The following TM9SF3 variants were observed in gnomAD, a reference collection of about 807,000 sequenced individuals.
The protein encoded by TM9SF3 is SM-11044-binding protein.
A neutral mutation model predicts 78.6 loss-of-function variants in TM9SF3; 14 were observed. The observed-to-expected ratio is 0.18, with a 90% CI of 0.12 to 0.28. The LOEUF is 0.28. Among genes scored for constraint, TM9SF3 ranks in the 10% least tolerant of loss-of-function variants. The probability of loss-of-function intolerance (pLI) is 1.00; values close to 1 mark genes in which losing one functional copy is unlikely to be tolerated. For synonymous variants in TM9SF3, 231 were observed against 241.7 expected, an observed-to-expected ratio of 0.96 and a Z score of 0.41; for missense variants, 496 against 721.9, an observed-to-expected ratio of 0.69 and a Z score of 3.59.
intron 1 of TM9SF3, 104 bp downstream of exon 1, chr10:96,586,630 T>C (rs2134166220): frequency 7.2e-6 from 7 of 977,772 alleles, no homozygotes; most frequent in Non-Finnish European, 9.1e-6. Context: ...CGGGCCGCAG[T>C]GGGGCACCAC....
At chr10:96,571,546 T>C (rs566205058) in intron 2 of TM9SF3, among the ~76,000 whole-genome samples, 1 of 152,252 alleles carries the variant, frequency 6.6e-6, no homozygotes, top group South Asian at 2.1e-4. Flanking sequence ...AGGCCTATAT[T>C]CCCCAGGCAG....
In TM9SF3 at chr10:96,565,390, A is replaced by G; in HGVS notation, c.335T>C (p.Leu112Ser). ...AAATGCATCTCTCTTTTCTTTATCT[A>G]AATCAATTTCACAGTAAGTGGCTGG... is the stretch of plus-strand genomic sequence containing the variant. ...VMPATYCEID[L>S]DKEKRDAFVY... is the part of the protein sequence containing the mutation. The change falls in exon 3 of 15, where the codon TTA (leucine) becomes TCA (serine). Residue 112 changes from leucine (L) to serine (S), a missense_variant. Leu to Ser is a moderately radical substitution (Grantham distance 145). Coordinates refer to ENST00000371142, the MANE Select transcript of TM9SF3 (RefSeq NM_020123.4). 6.4e-7 allele frequency: 1 copy of G among 1,556,484 alleles called. No homozygotes were observed. The highest frequency in any genetic ancestry group is 1.2e-5 in the South Asian group (1 of 80,310).
At chr10:96,531,421 C>G (rs183086790) in intron 10 of TM9SF3, among the ~76,000 whole-genome samples, 72 of 152,116 alleles carry the variant, frequency 4.7e-4, no homozygotes, top group African/African-American at 1.5e-3. Flanking sequence ...GATTATAAAC[C>G]CTGGCAGGCA....
chr10:96,558,587 A>G (rs970943945), intron 5 of TM9SF3, among the ~76,000 whole-genome samples: 1 of 151,712 alleles, frequency 6.6e-6, no homozygotes, highest in Non-Finnish European at 1.5e-5. Flanking sequence ...CGGAGGTTGC[A>G]GTGAGCCAAG....
At chr10:96,554,231 T>A (rs1848207913) in intron 5 of TM9SF3, among the ~76,000 whole-genome samples, 1 of 152,230 alleles carries the variant, frequency 6.6e-6, no homozygotes, top group African/African-American at 2.4e-5. Flanking sequence ...TTGTTATTGC[T>A]ATTATTCTCT....
chr10:96,560,603 G>A, intron 4 of TM9SF3: 1 of 665,920 alleles, frequency 1.5e-6, no homozygotes, highest in South Asian at 1.4e-5. Flanking sequence ...TATCTGGAAA[G>A]TGATCTGTCC....
At chr10:96,569,945 T>C (rs758398728) in intron 2 of TM9SF3, among the ~76,000 whole-genome samples, 1 of 152,018 alleles carries the variant, frequency 6.6e-6, no homozygotes, top group Non-Finnish European at 1.5e-5. Flanking sequence ...GGCAGGAGAA[T>C]CGCGTGAGGT....
At chr10:96,564,591 T>G (rs1423678586) in intron 3 of TM9SF3, among the ~76,000 whole-genome samples, 1 of 152,252 alleles carries the variant, frequency 6.6e-6, no homozygotes, top group African/African-American at 2.4e-5. Context: ...ACTTTGATAG[T>G]TTACTGCTCA....
chr10:96,565,703 A>G (rs1330447719), intron 2 of TM9SF3, among the ~76,000 whole-genome samples: 1 of 152,156 alleles, frequency 6.6e-6, no homozygotes, highest in African/African-American at 2.4e-5. Context: ...ATACAAGAAA[A>G]TTTATAAAGT....
At chr10:96,555,240 CATTAT>C (rs1194226055) in intron 5 of TM9SF3, among the ~76,000 whole-genome samples, 1 of 152,032 alleles carries the variant, frequency 6.6e-6, no homozygotes, top group Non-Finnish European at 1.5e-5. Context: ...CTTTTCTTTC[CATTAT>C]ATTCTATATT....
rs1259303023 is a variant in TM9SF3 at position 96,522,260 on chromosome 10, T to A, written c.*3A>T. 3 of 1,595,726 alleles carry A rather than the reference T, an allele frequency of 1.9e-6. No homozygotes were observed. In the Admixed American group the frequency reaches 5.3e-5, roughly 28 times the overall value. ...ATCCAAAGTTCCAGGTTTTCTTGGGTCTCTAGTCAATTTTCACATTAGTAT... is the reference window on the plus strand; with the variant it reads ...ATCCAAAGTTCCAGGTTTTCTTGGGACTCTAGTCAATTTTCACATTAGTAT... On this transcript the variant is annotated 3_prime_UTR_variant, in exon 15 of 15. Coordinates refer to ENST00000371142, the MANE Select transcript of TM9SF3 (RefSeq NM_020123.4).
intron 5 of TM9SF3, among the ~76,000 whole-genome samples, chr10:96,555,122 T>C (rs1427315810): frequency 6.6e-6 from 1 of 152,058 alleles, no homozygotes; most frequent in Non-Finnish European, 1.5e-5. Context: ...CACTCCTCTA[T>C]TCTAAAATTT....
chr10:96,533,789 T>C (rs1179576527), intron 9 of TM9SF3, among the ~76,000 whole-genome samples: 1 of 152,200 alleles, frequency 6.6e-6, no homozygotes, highest in Non-Finnish European at 1.5e-5. Context: ...ACTAGTAAAA[T>C]AGTACAAATA....
At chr10:96,550,529 G>C (rs1430589968) in intron 7 of TM9SF3, among the ~76,000 whole-genome samples, 2 of 152,180 alleles carry the variant, frequency 1.3e-5, no homozygotes, top group Admixed American at 6.5e-5. Context: ...TGAAATGCCT[G>C]AATTATAATC....
At chr10:96,575,913 A>G (rs1230920835) in intron 2 of TM9SF3, among the ~76,000 whole-genome samples, 1 of 152,244 alleles carries the variant, frequency 6.6e-6, no homozygotes, top group Admixed American at 6.5e-5. Context: ...AGAAAAATGA[A>G]AAGTATAAAC....
intron 5 of TM9SF3, among the ~76,000 whole-genome samples, chr10:96,553,783 G>A (rs140684123): frequency 6.6e-6 from 1 of 152,160 alleles, no homozygotes; most frequent in African/African-American, 2.4e-5. Context: ...CCACATATTT[G>A]TTTCAATATT....
At chr10:96,550,932 AG>A (rs891461982) in intron 7 of TM9SF3, among the ~76,000 whole-genome samples, 4 of 152,172 alleles carry the variant, frequency 2.6e-5, no homozygotes, top group African/African-American at 9.7e-5. Flanking sequence ...CTTCAACTTT[AG>A]GAAAAAAAAG....
chr10:96,564,568 C>T (rs921972420), intron 3 of TM9SF3, among the ~76,000 whole-genome samples: 1 of 152,134 alleles, frequency 6.6e-6, no homozygotes, highest in African/African-American at 2.4e-5. Flanking sequence ...AAATGCTGAT[C>T]TGATATGTTC....
chr10:96,565,369 G>C lies in TM9SF3; in HGVS notation c.356C>G (p.Ala119Gly). The C allele has an allele frequency of 6.4e-7, 1 of 1,561,778 alleles. No homozygotes were observed. Among genetic ancestry groups the C allele is most frequent in the South Asian group, 1.2e-5 (1 of 81,466 alleles). Residue 119 changes from alanine (A) to glycine (G), a missense_variant, in exon 3 of 15, where the codon GCA (alanine) becomes GGA (glycine). Physicochemically the swap from Ala to Gly is moderately conservative, Grantham distance 60. Coordinates refer to ENST00000371142, the MANE Select transcript of TM9SF3 (RefSeq NM_020123.4). ...ATGATTTTTTATGGCATATACAAATGCATCTCTCTTTTCTTTATCTAAATC... is the reference window on the plus strand; with the variant it reads ...ATGATTTTTTATGGCATATACAAATCCATCTCTCTTTTCTTTATCTAAATC... Reference protein sequence around the residue: ...EIDLDKEKRDAFVYAIKNHYW... With the variant: ...EIDLDKEKRDGFVYAIKNHYW...
Sources: gnomAD v4.1 joint callset for allele counts (sites outside exome capture counted in the v4.1 genomes callset) on GRCh38, gnomAD v4.1.1 for gene constraint, MANE v1.5 for transcripts, NCBI Gene and HGNC (gene_info 2026-07-23, HGNC 2026-07-21) for gene names.